Variants in NBEA observed in about 807,000 individuals in gnomAD.
The protein encoded by NBEA is lysosomal-trafficking regulator 2.
A neutral mutation model predicts 343.4 loss-of-function variants in NBEA; 44 were observed. The ratio of observed to expected loss-of-function variants is 0.13; its 90% CI spans 0.10 to 0.16. NBEA has a LOEUF of 0.16. Among genes scored for constraint, NBEA ranks in the 10% least tolerant of loss-of-function variants. NBEA has a pLI of 1.00. For synonymous variants in NBEA, 1,175 were observed against 1,238.7 expected (o/e 0.95, Z 1.08); for missense variants, 2,555 against 3,631.3 (o/e 0.70, Z 7.62).
intron 10 of NBEA, among the ~76,000 whole-genome samples, chr13:35,089,703 A>G (rs2152624686): frequency 7.2e-6 from 1 of 139,640 alleles, no homozygotes; most frequent in East Asian, 2.1e-4. Context: ...AATGTGGCAC[A>G]TATACACCAT....
chr13:35,308,540 GTATATATATGTATATATGTATATATGTA>G (rs2037115474), intron 35 of NBEA, among the ~76,000 whole-genome samples: 1 of 74,196 alleles, frequency 1.3e-5, no homozygotes, highest in Non-Finnish European at 2.8e-5. Flanking sequence ...ATGTATATAT[GTATATATATGTATATATGTATATATGTA>G]TATATATGTA....
intron 40 of NBEA, among the ~76,000 whole-genome samples, chr13:35,457,305 T>A (rs2046635314): frequency 6.6e-6 from 1 of 152,200 alleles, no homozygotes; most frequent in Admixed American, 6.5e-5. Flanking sequence ...ATAATTGACC[T>A]GTTTACAGTG....
At chr13:34,956,218 AAC>A (rs1393624905) in intron 1 of NBEA, among the ~76,000 whole-genome samples, 3 of 152,324 alleles carry the variant, frequency 2.0e-5, no homozygotes, top group African/African-American at 7.2e-5. Flanking sequence ...GATGAAAATT[AAC>A]ATTTTAACAT....
intron 36 of NBEA, among the ~76,000 whole-genome samples, chr13:35,319,067 A>G (rs888024110): frequency 1.3e-5 from 2 of 151,766 alleles, no homozygotes; most frequent in Non-Finnish European, 2.9e-5. Flanking sequence ...GGATTCATTG[A>G]TTTTTTTGAA....
rs748894420 is a variant in NBEA, at chr13:35,475,775, A to T, written c.6585+3239A>T. On this transcript the variant is annotated intron_variant, in intron 41 of 58. Transcript: ENST00000379939. The stretch of plus-strand genomic sequence containing the variant: ...GACCGGATTTTGCGCGCCGAGAGGT[A>T]GCCGGAGGCGGTAATGAATTCCACC... 6.1e-5 allele frequency: 99 copies of T among 1,613,796 alleles called. No individual in the cohort carries two copies. The highest frequency in any genetic ancestry group is 7.9e-5 in the Non-Finnish European group (93 of 1,179,980).
intron 47 of NBEA, among the ~76,000 whole-genome samples, chr13:35,601,459 G>A (rs886728687): frequency 2.0e-5 from 3 of 151,956 alleles, no homozygotes; most frequent in Admixed American, 6.6e-5. Flanking sequence ...ACAGAGTAAC[G>A]TCATATAGAA....
chr13:35,465,330 G>A (rs2075345429), intron 40 of NBEA, among the ~76,000 whole-genome samples: 1 of 152,022 alleles, frequency 6.6e-6, no homozygotes, highest in African/African-American at 2.4e-5. Flanking sequence ...AATAACCCCT[G>A]TCTTCAATTA....
intron 54 of NBEA, 68 bp from the exon 55 acceptor site, chr13:35,655,511 A>G (rs2084774559): frequency 2.1e-6 from 3 of 1,422,928 alleles, no homozygotes; most frequent in East Asian, 2.4e-5. Context: ...AAAATCTGAT[A>G]AAGTTACACT....
In NBEA at chr13:35,308,568, A is replaced by ATATATGTATATATGTATATATG. The variant is rs1555361184; in HGVS notation, c.5839-955_5839-954insGTATATATGTATATATGTATAT. 5.8e-3 allele frequency among the ~76,000 whole-genome samples: 505 copies of ATATATGTATATATGTATATATG among 87,328 alleles called. 5 individuals are homozygous for ATATATGTATATATGTATATATG. The highest frequency in any genetic ancestry group is 0.017 in the Middle Eastern group (2 of 118). 57.3% of individuals were successfully genotyped at this position (87,328 alleles called of 152,430 possible). A position where few individuals can be genotyped will look rare whatever the true frequency, so the allele number is the denominator to read the frequency against. ...TATATATGTATATATGTATATATGT[A>ATATATGTATATATGTATATATG]TATATATGTATATATGTATATATGT... On this transcript the variant is annotated intron_variant, in intron 35 of 58. Coordinates refer to ENST00000379939, the MANE Select transcript of NBEA (RefSeq NM_001385012.1).
chr13:35,074,196 T>C (rs1889632366), intron 10 of NBEA, among the ~76,000 whole-genome samples: 1 of 152,178 alleles, frequency 6.6e-6, no homozygotes, highest in African/African-American at 2.4e-5. Context: ...CTTTCGTATT[T>C]TGTGTCTAGA....
At chr13:34,957,502 A>T (rs1363947539) in intron 1 of NBEA, among the ~76,000 whole-genome samples, 1 of 152,174 alleles carries the variant, frequency 6.6e-6, no homozygotes, top group South Asian at 2.1e-4. Flanking sequence ...TTCAGCAGTG[A>T]TTTTATCCCA....
intron 38 of NBEA, among the ~76,000 whole-genome samples, chr13:35,371,456 CTGTT>C (rs201080966): frequency 1.7e-4 from 25 of 151,512 alleles, no homozygotes; most frequent in Non-Finnish European, 2.9e-4. Context: ...TTCAGGATTC[CTGTT>C]TGTTTGTTTG....
chr13:35,284,467 TTTAAG>T (rs1472922467), intron 34 of NBEA, among the ~76,000 whole-genome samples: 2 of 152,164 alleles, frequency 1.3e-5, no homozygotes, highest in African/African-American at 4.8e-5. Flanking sequence ...TTATTATAGT[TTTAAG>T]TTAATATTAG....
chr13:34,942,738 C>T lies in NBEA; in HGVS notation c.-83C>T, dbSNP rs1488414772. On this transcript the variant is annotated 5_prime_UTR_variant, in exon 1 of 59. Coordinates refer to ENST00000379939, the MANE Select transcript of NBEA (RefSeq NM_001385012.1). ...GATGCTGGGGCTCCGAGGCGACGGC[C>T]GGGGGGCGGGGGCCGAGGCAGGTAT... 3 of 1,164,564 alleles carry T rather than the reference C, an allele frequency of 2.6e-6. No homozygotes were observed. The highest frequency in any genetic ancestry group is 3.3e-6 in the Non-Finnish European group (3 of 922,888). 72.1% of individuals were successfully genotyped at this position (1,164,564 alleles called of 1,614,324 possible).
At chr13:35,614,709 G>A (rs2082660231) in intron 48 of NBEA, among the ~76,000 whole-genome samples, 1 of 152,158 alleles carries the variant, frequency 6.6e-6, no homozygotes, top group Non-Finnish European at 1.5e-5. Context: ...GCAGCACCAG[G>A]TTAACACTTC....
chr13:35,590,861 A>T (rs1454847511), intron 46 of NBEA, among the ~76,000 whole-genome samples: 3 of 151,974 alleles, frequency 2.0e-5, no homozygotes, highest in Non-Finnish European at 4.4e-5. Context: ...TCTTACTCTC[A>T]CCCACCATAC....
chr13:35,462,616 T>A (rs2046970550), intron 40 of NBEA, among the ~76,000 whole-genome samples: 1 of 152,096 alleles, frequency 6.6e-6, no homozygotes, highest in African/African-American at 2.4e-5. Flanking sequence ...AGTATGACAG[T>A]GATGAATTTT....
intron 31 of NBEA, among the ~76,000 whole-genome samples, chr13:35,203,279 C>G (rs2073143594): frequency 6.6e-6 from 1 of 152,156 alleles, no homozygotes; most frequent in Non-Finnish European, 1.5e-5. Flanking sequence ...CTCCATGTCA[C>G]CCAGTATTCT....
intron 1 of NBEA, among the ~76,000 whole-genome samples, chr13:35,040,066 C>CA (rs2062593439): frequency 2.0e-5 from 3 of 152,084 alleles, no homozygotes; most frequent in Admixed American, 1.3e-4. Context: ...TCAAATTTGT[C>CA]AGACGTTGTA....
Sources: gnomAD v4.1 joint callset for allele counts (sites outside exome capture counted in the v4.1 genomes callset) on GRCh38, gnomAD v4.1.1 for gene constraint, MANE v1.5 for transcripts, NCBI Gene and HGNC (gene_info 2026-07-23, HGNC 2026-07-21) for gene names.